Variants in RALGAPA1 observed in about 807,000 individuals in gnomAD.
RALGAPA1 encodes the protein Ral GTPase activating protein catalytic subunit alpha 1, also known as ral GTPase-activating protein subunit alpha-1.
A neutral mutation model predicts 269.6 loss-of-function variants in RALGAPA1; 52 were observed. The observed-to-expected ratio is 0.19, with a 90% CI of 0.15 to 0.24. The LOEUF is 0.24. Among genes scored for constraint, RALGAPA1 ranks in the 10% least tolerant of loss-of-function variants. The pLI is 1.00. For synonymous variants in RALGAPA1, 817 were observed against 1,008.3 expected (o/e 0.81, Z 3.60); for missense variants, 1,917 against 3,013.9 (o/e 0.64, Z 8.52).
chr14:35,669,954 C>T (rs780023428), intron 26 of RALGAPA1, among the ~76,000 whole-genome samples: 2 of 152,164 alleles, frequency 1.3e-5, no homozygotes, highest in Non-Finnish European at 2.9e-5. Flanking sequence ...AAGCATGGTG[C>T]TATGCTAGGC....
rs373969890 is a variant in RALGAPA1 at position 35,677,906 on chromosome 14, C to T, written c.4624+44G>A. Reference sequence around the variant, plus strand: ...CTTATTTATGATCTCCTGACACTGACGCCCTAAAAGAAAAAAGGTAAATAT... The same window carrying T: ...CTTATTTATGATCTCCTGACACTGATGCCCTAAAAGAAAAAAGGTAAATAT... On this transcript the variant is annotated intron_variant, in intron 22 of 41. Coordinates refer to ENST00000680220, the MANE Select transcript of RALGAPA1 (RefSeq NM_001346249.2). 100 of 1,563,980 alleles carry T rather than the reference C, an allele frequency of 6.4e-5. 1 individual carries two copies. The Middle Eastern group carries it at 8.3e-4, about 13-fold the overall frequency.
intron 16 of RALGAPA1, chr14:35,715,880 T>C: frequency 1.0e-6 from 1 of 985,386 alleles, no homozygotes; most frequent in Non-Finnish European, 1.2e-6. Context: ...ATCACTCCAT[T>C]TTCCACTCAT....
Position 35,651,669 on chromosome 14 carries a change from A to T in RALGAPA1, c.5676+136T>A, listed in dbSNP as rs1162919171. 6 of 663,854 alleles carry T rather than the reference A, an allele frequency of 9.0e-6. No homozygotes were observed. The Admixed American group carries it at 1.2e-4, about 14-fold the overall frequency. 41.1% of individuals were successfully genotyped at this position (663,854 alleles called of 1,614,324 possible). ...TAATTTAGTTATACTTAAATAACAG[A>T]AAGGCATTTCACATTATAGTAGATT... On this transcript the variant is annotated intron_variant, in intron 31 of 41. Transcript: ENST00000680220.
At chr14:35,617,540 C>G (rs903408146) in intron 35 of RALGAPA1, among the ~76,000 whole-genome samples, 1 of 149,144 alleles carries the variant, frequency 6.7e-6, no homozygotes, top group African/African-American at 2.5e-5. Flanking sequence ...ATCACTTGAA[C>G]CCCGAAGGCG....
At chr14:35,703,162 T>C (rs2067510362) in intron 16 of RALGAPA1, among the ~76,000 whole-genome samples, 1 of 152,186 alleles carries the variant, frequency 6.6e-6, no homozygotes, top group African/African-American at 2.4e-5. Flanking sequence ...GTTGTGATTC[T>C]GAATGAATTC....
chr14:35,548,476 C>G, intron 41 of RALGAPA1, 32 bp downstream of exon 41: 1 of 1,509,862 alleles, frequency 6.6e-7, no homozygotes, highest in Non-Finnish European at 9.0e-7. Context: ...GGGAGAAGAA[C>G]AGAGGGTGTT....
intron 35 of RALGAPA1, 75 bp from the exon 36 acceptor site, chr14:35,605,784 GT>G: frequency 6.6e-7 from 1 of 1,512,504 alleles, no homozygotes; most frequent in Non-Finnish European, 9.0e-7. Flanking sequence ...TAAGTTCTAT[GT>G]ACAAAGTATG....
At chr14:35,630,355 T>C (rs898493190) in intron 33 of RALGAPA1, among the ~76,000 whole-genome samples, 10 of 152,106 alleles carry the variant, frequency 6.6e-5, no homozygotes, top group African/African-American at 2.2e-4. Context: ...TGGCACGATC[T>C]TGGCTCACTG....
At chr14:35,586,930 G>A (rs569504696) in intron 37 of RALGAPA1, among the ~76,000 whole-genome samples, 1 of 152,270 alleles carries the variant, frequency 6.6e-6, no homozygotes, top group South Asian at 2.1e-4. Context: ...TCCTTTTTGT[G>A]TATGTGTATC....
intron 1 of RALGAPA1, among the ~76,000 whole-genome samples, chr14:35,797,663 C>G (rs971786115): frequency 2.6e-5 from 4 of 151,502 alleles, no homozygotes; most frequent in Non-Finnish European, 4.4e-5. Context: ...CTTACCAACA[C>G]GGAGAAGCCC....
At chr14:35,606,145 A>C (rs1221295496) in intron 35 of RALGAPA1, among the ~76,000 whole-genome samples, 2 of 152,214 alleles carry the variant, frequency 1.3e-5, no homozygotes, top group African/African-American at 4.8e-5. Context: ...CCAATCCTTC[A>C]AAGTACTTAC....
intron 1 of RALGAPA1, among the ~76,000 whole-genome samples, chr14:35,779,053 A>G (rs1320562876): frequency 6.6e-6 from 1 of 152,212 alleles, no homozygotes; most frequent in Non-Finnish European, 1.5e-5. Context: ...AATGTAATAC[A>G]TCTGTAAAAA....
intron 3 of RALGAPA1, 120 bp downstream of exon 3, chr14:35,774,886 C>A: frequency 1.5e-6 from 1 of 678,010 alleles, no homozygotes; most frequent in Non-Finnish European, 2.6e-6. Flanking sequence ...AGATTTAGTT[C>A]TTAGAAAGGC....
rs377687479 is a variant in RALGAPA1, at chr14:35,745,998, T to C, written c.1251+2587A>G. The stretch of plus-strand genomic sequence containing the variant: ...CCCAGCTACTCAGGAGGCTGAGGCA[T>C]AGGTATCAGTTGAGCAGTGAGTTGT... On this transcript the variant is annotated intron_variant, in intron 10 of 41. Coordinates refer to ENST00000680220, the MANE Select transcript of RALGAPA1 (RefSeq NM_001346249.2). Among the ~76,000 whole-genome samples the C allele has an allele frequency of 7.2e-5, 11 of 151,780 alleles. No homozygotes were observed. The South Asian group carries it at 2.1e-3, about 29-fold the overall frequency.
intron 1 of RALGAPA1, among the ~76,000 whole-genome samples, chr14:35,804,299 G>A (rs1423018046): frequency 6.7e-6 from 1 of 150,040 alleles, no homozygotes. Flanking sequence ...GGCTGGGCGC[G>A]GTGGCTCACA....
At chr14:35,779,681 A>G (rs2075303944) in intron 1 of RALGAPA1, among the ~76,000 whole-genome samples, 1 of 152,138 alleles carries the variant, frequency 6.6e-6, no homozygotes, top group African/African-American at 2.4e-5. Context: ...ACAATAACAA[A>G]GCAAACCAAA....
In RALGAPA1 at chr14:35,748,681, A is replaced by G; in HGVS notation, c.1155T>C (p.Ser385=). The change falls in exon 10 of 42, where the codon AGT becomes AGC. Residue 385 remains serine, a synonymous_variant. Transcript: ENST00000680220. The part of the protein sequence containing the change: ...EREPSSSSLC[S]IDEEHLTDIE... ...TGTCTGTGAGATGTTCTTCATCAAT[A>G]CTACAGAGACTAGATGAGCTAGGTT... 1 of 1,613,492 alleles carries G rather than the reference A, an allele frequency of 6.2e-7. No individual in the cohort carries two copies. Among genetic ancestry groups the G allele is most frequent in the Non-Finnish European group, 8.5e-7 (1 of 1,179,830 alleles).
At chr14:35,656,554 C>T (rs1595003179) in intron 28 of RALGAPA1, among the ~76,000 whole-genome samples, 1 of 152,150 alleles carries the variant, frequency 6.6e-6, no homozygotes, top group African/African-American at 2.4e-5. Context: ...TTAGTGTGTT[C>T]AAGTTTAAGC....
chr14:35,713,662 A>G (rs2068553155), intron 16 of RALGAPA1, among the ~76,000 whole-genome samples: 1 of 152,240 alleles, frequency 6.6e-6, no homozygotes, highest in South Asian at 2.1e-4. Flanking sequence ...ATTAAAATAA[A>G]TCAGATTGGT....
Sources: allele counts gnomAD v4.1 joint callset (sites outside exome capture counted in the v4.1 genomes callset), GRCh38; gene constraint gnomAD v4.1.1; transcripts MANE v1.5; gene names NCBI Gene and HGNC (gene_info 2026-07-23, HGNC 2026-07-21).